PCDH15: variants seen among roughly 807,000 people sequenced by gnomAD.
PCDH15 encodes the protein protocadherin related 15, also known as protocadherin-15.
A neutral mutation model predicts 178.5 loss-of-function variants in PCDH15; 129 were observed. The observed-to-expected ratio is 0.72, with a 90% CI of 0.63 to 0.84. The LOEUF (loss-of-function observed/expected upper bound fraction) is 0.84, where lower values mean the gene tolerates loss of function less well. Ranked by LOEUF, PCDH15 falls within the 40% of genes least tolerant of loss-of-function variation. The pLI is 0.00. For synonymous variants in PCDH15, 800 were observed against 732.0 expected, an observed-to-expected ratio of 1.09 and a Z score of -1.50; for missense variants, 2,230 against 2,099.9, an observed-to-expected ratio of 1.06 and a Z score of -1.21.
At chr10:54,933,767 A>T (rs1837839441) in intron 2 of PCDH15, among the ~76,000 whole-genome samples, 1 of 152,128 alleles carries the variant, frequency 6.6e-6, no homozygotes, top group African/African-American at 2.4e-5. Context: ...TGCAAACTTT[A>T]TCAGTGAAAA....
At chr10:54,694,529 C>A (rs1382967018) in intron 1 of PCDH15, among the ~76,000 whole-genome samples, 1 of 152,048 alleles carries the variant, frequency 6.6e-6, no homozygotes, top group Non-Finnish European at 1.5e-5. Flanking sequence ...AATCTATCGG[C>A]ATTGTTTTTC....
At chr10:53,873,346 T>A (rs74977778) in intron 26 of PCDH15, among the ~76,000 whole-genome samples, 3 of 152,252 alleles carry the variant, frequency 2.0e-5, no homozygotes, top group Non-Finnish European at 4.4e-5. Context: ...GTTTGTATAA[T>A]GCTGTTGCTG....
chr10:55,463,297 T>A (rs1224538633), intron 2 of PCDH15, among the ~76,000 whole-genome samples: 4 of 152,090 alleles, frequency 2.6e-5, no homozygotes, highest in Non-Finnish European at 5.9e-5. Flanking sequence ...ATAATGTATA[T>A]CATCCTGTAG....
chr10:54,345,580 G>A (rs34735053), intron 6 of PCDH15, among the ~76,000 whole-genome samples: 10,728 of 151,552 alleles, frequency 0.071, 495 homozygotes, highest in African/African-American at 0.12. Flanking sequence ...TGAATAATAT[G>A]TCATTAGAGG....
chr10:54,589,159 A>C (rs558554875), intron 2 of PCDH15, among the ~76,000 whole-genome samples: 79 of 152,220 alleles, frequency 5.2e-4, no homozygotes, highest in Non-Finnish European at 8.1e-4. Context: ...GGAAATTTCC[A>C]CTGTTTCAAA....
chr10:55,385,693 C>CCA (rs71461296), intron 2 of PCDH15, among the ~76,000 whole-genome samples: 32 of 128,742 alleles, frequency 2.5e-4, no homozygotes, highest in Admixed American at 2.0e-3. Flanking sequence ...CTTCCTCTGC[C>CCA]TATATATATA....
chr10:54,421,712 T>A (rs1239749393), intron 3 of PCDH15, among the ~76,000 whole-genome samples: 13 of 123,304 alleles, frequency 1.1e-4, no homozygotes, highest in African/African-American at 3.2e-4. Context: ...ACACACACAC[T>A]ATATATATTT....
intron 3 of PCDH15, among the ~76,000 whole-genome samples, chr10:54,854,032 G>A (rs1953691068): frequency 6.6e-6 from 1 of 152,160 alleles, no homozygotes. Context: ...GGCGAGTCAG[G>A]CATAGAATGG....
chr10:53,914,477 A>C (rs942736493), intron 25 of PCDH15, among the ~76,000 whole-genome samples: 2 of 152,196 alleles, frequency 1.3e-5, no homozygotes, highest in Admixed American at 6.5e-5. Context: ...ACATGGATGA[A>C]GTTGGAAACC....
chr10:55,487,132 C>A (rs1367235833), intron 2 of PCDH15, among the ~76,000 whole-genome samples: 1 of 151,544 alleles, frequency 6.6e-6, no homozygotes, highest in Non-Finnish European at 1.5e-5. Context: ...ATTTATAAGC[C>A]AAATGCCTTC....
At chr10:54,641,580 C>T (rs906790180) in intron 2 of PCDH15, among the ~76,000 whole-genome samples, 3 of 139,470 alleles carry the variant, frequency 2.2e-5, no homozygotes, top group Non-Finnish European at 4.6e-5. Context: ...CATATGCAAA[C>T]ACCACACACA....
Position 55,190,322 on chromosome 10 carries a change from T to C in PCDH15, c.-155-23671A>G, listed in dbSNP as rs917092475. Among the ~76,000 whole-genome samples, 13 of 151,680 alleles carry C rather than the reference T, an allele frequency of 8.6e-5. 1 individual carries two copies. The highest frequency in any genetic ancestry group is 1.7e-4 in the African/African-American group (7 of 41,354). On this transcript the variant is annotated intron_variant, in intron 1 of 5. Transcript: ENST00000458638. ...AATATATTGATCCCAGTAGTGTTTATTGGAGTGCACACATGCACAATAATT... is the reference window on the plus strand; with the variant it reads ...AATATATTGATCCCAGTAGTGTTTACTGGAGTGCACACATGCACAATAATT...
At position 54,780,179 on chromosome 10, in the gene PCDH15, ATACTT is replaced by A. The variant is rs1438178904; in HGVS notation, c.-29+20741_-29+20745del. Reference sequence around the variant, plus strand: ...AGGTGCCACACATAAGTTCTAGGGAATACTTCATCACTTTTGAGCAAGCCAGCAAG... The same window carrying A: ...AGGTGCCACACATAAGTTCTAGGGAACATCACTTTTGAGCAAGCCAGCAAG... On this transcript the variant is annotated intron_variant, in intron 1 of 37. Transcript: ENST00000644397. Among the ~76,000 whole-genome samples the A allele has an allele frequency of 2.0e-5, 3 of 152,292 alleles. No individual in the cohort carries two copies. The East Asian group carries it at 5.8e-4, about 29-fold the overall frequency.
chr10:54,059,722 G>T lies in PCDH15; in HGVS notation c.2220+7035C>A, dbSNP rs117891286. ...CTTTTCCAGGAACAACACTTTGATA[G>T]CCACCTAACGCATGTTTGTATTTTT... On this transcript the variant is annotated intron_variant, in intron 18 of 37. Transcript: ENST00000644397. Among the ~76,000 whole-genome samples, 1,116 of 152,282 alleles carry T rather than the reference G, an allele frequency of 7.3e-3. 10 individuals are homozygous for T. The highest frequency in any genetic ancestry group is 0.013 in the Non-Finnish European group (869 of 68,022).
At chr10:54,268,386 AC>A (rs2132433859) in intron 8 of PCDH15, among the ~76,000 whole-genome samples, 1 of 152,114 alleles carries the variant, frequency 6.6e-6, no homozygotes, top group African/African-American at 2.4e-5. Context: ...ATGACTAAGT[AC>A]TAAAACACAA....
intron 2 of PCDH15, among the ~76,000 whole-genome samples, chr10:55,088,473 C>A (rs1027266037): frequency 6.6e-6 from 1 of 151,694 alleles, no homozygotes; most frequent in Non-Finnish European, 1.5e-5. Context: ...GTGGTCTTAC[C>A]CTGTTGGCCA....
At position 55,556,198 on chromosome 10, in the gene PCDH15, C is replaced by T. The variant is rs571290946; in HGVS notation, c.-156+71427G>A. On this transcript the variant is annotated intron_variant, in intron 2 of 5. Transcript: ENST00000613346. ...TAATTACACCGTTACTTATTTATTG[C>T]CCTAGTGGTGAACACTTAGGCTTTT... Among the ~76,000 whole-genome samples, 8 of 152,048 alleles carry T rather than the reference C, an allele frequency of 5.3e-5. No individual in the cohort carries two copies. In the South Asian group the frequency reaches 1.5e-3, roughly 28 times the overall value.
chr10:54,260,013 C>A (rs1333874266), intron 8 of PCDH15, among the ~76,000 whole-genome samples: 1 of 152,184 alleles, frequency 6.6e-6, no homozygotes, highest in East Asian at 1.9e-4. Context: ...ATTTATGCCA[C>A]TAGAAGCAAG....
chr10:54,859,795 A>G (rs10825409), intron 3 of PCDH15, among the ~76,000 whole-genome samples: 36,906 of 151,428 alleles, frequency 0.24, 4,773 homozygotes, highest in African/African-American at 0.31. Flanking sequence ...TGATTATGTG[A>G]ACCTGAACAA....
Sources: gnomAD v4.1 joint callset for allele counts (sites outside exome capture counted in the v4.1 genomes callset) on GRCh38, gnomAD v4.1.1 for gene constraint, MANE v1.5 for transcripts, NCBI Gene and HGNC (gene_info 2026-07-23, HGNC 2026-07-21) for gene names.